KCNMA1: variants seen among roughly 807,000 people sequenced by gnomAD.
KCNMA1 encodes potassium calcium-activated channel subfamily M alpha 1, also known as Calcium-activated potassium channel subunit alpha-1.
A neutral mutation model predicts 140.0 loss-of-function variants in KCNMA1; 29 were observed. That is an observed-to-expected ratio of 0.21 (90% CI 0.15 to 0.28). KCNMA1 has a LOEUF of 0.28. Among genes scored for constraint, KCNMA1 ranks in the 10% least tolerant of loss-of-function variants. KCNMA1 has a pLI of 1.00. For missense variants in KCNMA1, 880 were observed against 1,602.2 expected, an observed-to-expected ratio of 0.55 and a Z score of 7.70; for synonymous variants, 612 against 611.9, an observed-to-expected ratio of 1.00 and a Z score of 0.00.
At chr10:77,295,783 G>A (rs1324422808) in intron 2 of KCNMA1, among the ~76,000 whole-genome samples, 4 of 42,248 alleles carry the variant, frequency 9.5e-5, no homozygotes, top group African/African-American at 4.8e-4. Flanking sequence ...GCGAGACTCC[G>A]TCTCAAAAAA....
intron 1 of KCNMA1, among the ~76,000 whole-genome samples, chr10:77,609,966 G>A (rs1351376975): frequency 6.6e-6 from 1 of 152,338 alleles, no homozygotes; most frequent in East Asian, 1.9e-4. Context: ...AGAAAAAGCA[G>A]TAACAAGGCG....
chr10:77,001,791 G>A (rs747099166), intron 18 of KCNMA1, among the ~76,000 whole-genome samples: 6 of 152,140 alleles, frequency 3.9e-5, no homozygotes, highest in South Asian at 2.1e-4. Flanking sequence ...TGCCTTTATC[G>A]TCTCCCAAGG....
chr10:77,476,692 C>T (rs186993193), intron 1 of KCNMA1, among the ~76,000 whole-genome samples: 1 of 152,324 alleles, frequency 6.6e-6, no homozygotes, highest in Admixed American at 6.5e-5. Context: ...TGCATGTGCC[C>T]AGGTAAGCCT....
In KCNMA1 at chr10:77,543,391, G is replaced by C. The variant is rs144818206; in HGVS notation, c.378+93874C>G. On this transcript the variant is annotated intron_variant, in intron 1 of 27. Coordinates refer to ENST00000286628, the MANE Select transcript of KCNMA1 (RefSeq NM_001161352.2). ...TTTGCCCTCAATATCAGAGTGATTA[G>C]AAGAAGTGGACAGAGCTACCCAAGT... is the stretch of plus-strand genomic sequence containing the variant. Among the ~76,000 whole-genome samples the C allele has an allele frequency of 2.7e-4, 41 of 152,244 alleles. No individual in the cohort carries two copies. The East Asian group carries it at 6.0e-3, about 22-fold the overall frequency.
intron 5 of KCNMA1, chr10:77,147,898 T>C (rs1435499673): frequency 1.3e-5 from 2 of 152,142 alleles, no homozygotes; most frequent in Admixed American, 6.5e-5. Flanking sequence ...AAAAGCGCCA[T>C]ATACAAGGAT....
intron 20 of KCNMA1, among the ~76,000 whole-genome samples, chr10:76,954,925 T>C (rs1349745009): frequency 1.3e-5 from 2 of 152,196 alleles, no homozygotes; most frequent in African/African-American, 2.4e-5. Flanking sequence ...TCCTGCACCT[T>C]GAATCATAGT....
At chr10:77,494,435 G>A (rs544904099) in intron 1 of KCNMA1, among the ~76,000 whole-genome samples, 3 of 152,344 alleles carry the variant, frequency 2.0e-5, no homozygotes, top group East Asian at 3.9e-4. Context: ...CCCCACAGGG[G>A]TTTCTGCAGG....
intron 1 of KCNMA1, among the ~76,000 whole-genome samples, chr10:77,550,684 T>C (rs954145731): frequency 1.3e-5 from 2 of 152,136 alleles, no homozygotes; most frequent in Non-Finnish European, 2.9e-5. Flanking sequence ...GTGGCAAGGA[T>C]TGTGTGTACT....
chr10:76,984,863 C>T (rs1453586686), intron 19 of KCNMA1, among the ~76,000 whole-genome samples: 1 of 152,170 alleles, frequency 6.6e-6, no homozygotes, highest in Admixed American at 6.5e-5. Flanking sequence ...TATATCTCTT[C>T]AAACAACAGC....
At chr10:77,021,811 C>T (rs536100483) in intron 16 of KCNMA1, among the ~76,000 whole-genome samples, 1 of 152,096 alleles carries the variant, frequency 6.6e-6, no homozygotes, top group Non-Finnish European at 1.5e-5. Flanking sequence ...GCTAAGGCAG[C>T]CTTCTGGGTG....
intron 2 of KCNMA1, among the ~76,000 whole-genome samples, chr10:77,254,132 C>G (rs2060205726): frequency 6.6e-6 from 1 of 151,956 alleles, no homozygotes; most frequent in Admixed American, 6.6e-5. Flanking sequence ...TATAGAGCAC[C>G]CCAAATAGTC....
chr10:77,035,191 A>T (rs1162331588), intron 15 of KCNMA1, among the ~76,000 whole-genome samples: 1 of 152,234 alleles, frequency 6.6e-6, no homozygotes, highest in Non-Finnish European at 1.5e-5. Context: ...GTGTTGAGAG[A>T]GCTCCCTATG....
intron 1 of KCNMA1, among the ~76,000 whole-genome samples, chr10:77,447,051 C>G (rs2097542480): frequency 6.6e-6 from 1 of 152,230 alleles, no homozygotes; most frequent in Non-Finnish European, 1.5e-5. Context: ...TGAGGCCCAG[C>G]TTCAGGGAGA....
At chr10:77,590,871 G>A (rs912226940) in intron 1 of KCNMA1, among the ~76,000 whole-genome samples, 4 of 152,188 alleles carry the variant, frequency 2.6e-5, no homozygotes, top group Admixed American at 6.5e-5. Flanking sequence ...ACACTCTAGC[G>A]AGACTCAAAT....
chr10:77,535,146 A>G lies in KCNMA1; in HGVS notation c.378+102119T>C, dbSNP rs117646834. Among the ~76,000 whole-genome samples, 467 of 152,312 alleles carry G rather than the reference A, an allele frequency of 3.1e-3. 4 individuals carry two copies. Among genetic ancestry groups the G allele is most frequent in the Admixed American group, 5.2e-3 (79 of 15,304 alleles). On this transcript the variant is annotated intron_variant, in intron 1 of 27. Transcript: ENST00000286628. ...TCTACACACATGCACACACTCCAGT[A>G]GCAACCACACATCAGTTACTAAGCA... is the stretch of plus-strand genomic sequence containing the variant.
At chr10:76,901,909 C>T (rs1331830786) in intron 25 of KCNMA1, 2 of 152,208 alleles carry the variant, frequency 1.3e-5, no homozygotes, top group Non-Finnish European at 2.9e-5. Flanking sequence ...CCCCAATATT[C>T]GGATGCAGAA....
intron 7 of KCNMA1, 86 bp downstream of exon 7, chr10:77,112,281 G>A: frequency 1.0e-6 from 1 of 963,774 alleles, no homozygotes; most frequent in Non-Finnish European, 1.7e-6. Flanking sequence ...TTAATTTCCA[G>A]CAAGATAAAT....
chr10:77,205,613 G>A (rs955379642), intron 3 of KCNMA1, among the ~76,000 whole-genome samples: 20 of 140,780 alleles, frequency 1.4e-4, no homozygotes, highest in African/African-American at 5.1e-4. Flanking sequence ...GTCTTAGATT[G>A]ATGAAGGTTT....
chr10:76,939,815 T>C (rs2116826), intron 23 of KCNMA1: 69,748 of 151,632 alleles, frequency 0.46, 16,565 homozygotes, highest in Middle Eastern at 0.52. Context: ...AGAGCGGACA[T>C]TGCCTCCCTC....
Sources: allele counts gnomAD v4.1 joint callset (sites outside exome capture counted in the v4.1 genomes callset), GRCh38; gene constraint gnomAD v4.1.1; transcripts MANE v1.5; gene names NCBI Gene and HGNC (gene_info 2026-07-23, HGNC 2026-07-21).